Variants in RBMS3 observed in about 807,000 individuals in gnomAD.
RBMS3 encodes RNA-binding motif, single-stranded-interacting protein 3.
Under a neutral mutation model 66.8 loss-of-function variants are expected in RBMS3, and 27 were observed. The ratio of observed to expected loss-of-function variants is 0.40; its 90% CI spans 0.30 to 0.56. The LOEUF (loss-of-function observed/expected upper bound fraction) is 0.56, where lower values mean the gene tolerates loss of function less well. RBMS3 is among the 20% of genes least tolerant of loss of function. The pLI is 0.40. For missense variants in RBMS3, 513 were observed against 549.5 expected, an observed-to-expected ratio of 0.93 and a Z score of 0.66; for synonymous variants, 188 against 183.0, an observed-to-expected ratio of 1.03 and a Z score of -0.22.
chr3:29,830,504 C>T (rs903962689), intron 6 of RBMS3, among the ~76,000 whole-genome samples: 3 of 151,992 alleles, frequency 2.0e-5, no homozygotes, highest in African/African-American at 7.2e-5. Context: ...AATACGTGCC[C>T]TTTTGATTGT....
chr3:29,430,158 C>T (rs1284310244), intron 1 of RBMS3, among the ~76,000 whole-genome samples: 1 of 151,734 alleles, frequency 6.6e-6, no homozygotes, highest in Non-Finnish European at 1.5e-5. Context: ...ATTCTTAAAA[C>T]CAAAGAATGA....
chr3:29,544,885 A>G (rs1199001711), intron 3 of RBMS3, among the ~76,000 whole-genome samples: 1 of 152,178 alleles, frequency 6.6e-6, no homozygotes, highest in Non-Finnish European at 1.5e-5. Flanking sequence ...TCCTAACTAT[A>G]TATGCTAATA....
chr3:29,763,240 G>A (rs931786049), intron 6 of RBMS3, among the ~76,000 whole-genome samples: 1 of 152,016 alleles, frequency 6.6e-6, no homozygotes, highest in African/African-American at 2.4e-5. Flanking sequence ...GCAAAGAATA[G>A]TTAAAGAATG....
At chr3:29,649,227 T>C (rs975194765) in intron 4 of RBMS3, among the ~76,000 whole-genome samples, 14 of 152,296 alleles carry the variant, frequency 9.2e-5, no homozygotes, top group African/African-American at 3.1e-4. Flanking sequence ...TGGCAATACA[T>C]GAAAAGATGA....
At chr3:29,453,266 A>G (rs569342059) in intron 2 of RBMS3, among the ~76,000 whole-genome samples, 1 of 152,332 alleles carries the variant, frequency 6.6e-6, no homozygotes, top group South Asian at 2.1e-4. Context: ...CCACTTAGGT[A>G]AAGAAAACTG....
chr3:29,535,518 C>T (rs1190855528), intron 3 of RBMS3, among the ~76,000 whole-genome samples: 1 of 151,956 alleles, frequency 6.6e-6, no homozygotes, highest in Non-Finnish European at 1.5e-5. Flanking sequence ...ACTTTTTCTA[C>T]CCTCTCAAGA....
intron 4 of RBMS3, among the ~76,000 whole-genome samples, chr3:29,712,155 T>C (rs2053197857): frequency 6.6e-6 from 1 of 152,188 alleles, no homozygotes; most frequent in Admixed American, 6.5e-5. Flanking sequence ...CAAAATGAGA[T>C]TTATAATCAT....
intron 6 of RBMS3, among the ~76,000 whole-genome samples, chr3:29,854,385 A>AG (rs1417030412): frequency 2.0e-5 from 3 of 152,216 alleles, no homozygotes; most frequent in African/African-American, 7.2e-5. Context: ...TGAAAAAGGA[A>AG]AGGGGTTCTT....
chr3:29,431,616 A>T (rs903779624), intron 1 of RBMS3, among the ~76,000 whole-genome samples: 2 of 152,120 alleles, frequency 1.3e-5, no homozygotes, highest in African/African-American at 4.8e-5. Flanking sequence ...CAAAGAAGAA[A>T]TCTGGAGGCT....
chr3:29,378,008 A>T (rs1172199316), intron 1 of RBMS3, among the ~76,000 whole-genome samples: 1 of 152,140 alleles, frequency 6.6e-6, no homozygotes, highest in East Asian at 1.9e-4. Flanking sequence ...AACAGCCCCA[A>T]TTCCTCTTAT....
intron 1 of RBMS3, among the ~76,000 whole-genome samples, chr3:29,334,961 T>C (rs1305668068): frequency 1.3e-5 from 2 of 152,204 alleles, no homozygotes; most frequent in African/African-American, 4.8e-5. Context: ...GTTGGAATTG[T>C]TTTACAATGG....
intron 12 of RBMS3, among the ~76,000 whole-genome samples, chr3:29,985,049 A>C (rs931997502): frequency 6.6e-6 from 1 of 152,212 alleles, no homozygotes; most frequent in Non-Finnish European, 1.5e-5. Flanking sequence ...TGTTTTATCT[A>C]CAACCCCTAA....
At chr3:29,436,540 T>G (rs2041411347) in intron 2 of RBMS3, among the ~76,000 whole-genome samples, 1 of 152,218 alleles carries the variant, frequency 6.6e-6, no homozygotes, top group African/African-American at 2.4e-5. Flanking sequence ...TAACTCAACT[T>G]TTTCTTTTGT....
At chr3:29,790,804 C>A (rs933380156) in intron 6 of RBMS3, among the ~76,000 whole-genome samples, 1 of 152,068 alleles carries the variant, frequency 6.6e-6, no homozygotes, top group African/African-American at 2.4e-5. Flanking sequence ...AAGTTTCAAT[C>A]GAAAAGTATT....
chr3:29,740,250 A>G (rs2054578151), intron 5 of RBMS3, among the ~76,000 whole-genome samples: 1 of 152,150 alleles, frequency 6.6e-6, no homozygotes, highest in Non-Finnish European at 1.5e-5. Flanking sequence ...TGAACAAAGC[A>G]TCTAAGTGTT....
chr3:29,751,811 TGGGA>T (rs2055197146), intron 5 of RBMS3, among the ~76,000 whole-genome samples: 1 of 152,202 alleles, frequency 6.6e-6, no homozygotes, highest in African/African-American at 2.4e-5. Context: ...AAACCCCTTG[TGGGA>T]GGGTTAGCAC....
chr3:29,473,193 CAG>C (rs2042808406), intron 2 of RBMS3, among the ~76,000 whole-genome samples: 1 of 151,928 alleles, frequency 6.6e-6, no homozygotes, highest in South Asian at 2.1e-4. Context: ...TAGCTAGATA[CAG>C]AGTGTCGATT....
intron 1 of RBMS3, among the ~76,000 whole-genome samples, chr3:29,396,202 A>G (rs2039541451): frequency 6.6e-6 from 1 of 152,162 alleles, no homozygotes; most frequent in African/African-American, 2.4e-5. Flanking sequence ...CCAGCCACGA[A>G]TCATGCATAA....
chr3:29,503,659 G>A (rs1365920307), intron 3 of RBMS3, among the ~76,000 whole-genome samples: 4 of 152,002 alleles, frequency 2.6e-5, no homozygotes, highest in African/African-American at 7.2e-5. Context: ...TTGCTGATAG[G>A]ATTTTTATAG....
Sources: allele counts gnomAD v4.1 joint callset (sites outside exome capture counted in the v4.1 genomes callset), GRCh38; gene constraint gnomAD v4.1.1; transcripts MANE v1.5; gene names NCBI Gene and HGNC (gene_info 2026-07-23, HGNC 2026-07-21).